The following RHEX variants were observed in gnomAD, a reference collection of about 807,000 sequenced individuals.
RHEX encodes the protein regulator of hemoglobinization and erythroid cell expansion protein.
A neutral mutation model predicts 20.1 loss-of-function variants in RHEX; 18 were observed. That is an observed-to-expected ratio of 0.90 (90% confidence interval 0.62 to 1.33). The LOEUF (loss-of-function observed/expected upper bound fraction) is 1.33. Ranked by LOEUF, RHEX falls within the 40% of genes most tolerant of loss-of-function variation. The pLI is 0.00. For synonymous variants in RHEX, 87 were observed against 77.1 expected, an observed-to-expected ratio of 1.13 and a Z score of -0.67; for missense variants, 192 against 214.3, an observed-to-expected ratio of 0.90 and a Z score of 0.65.
chr1:206,069,724 C>G (rs954389139), intron 1 of RHEX, among the ~76,000 whole-genome samples: 1 of 151,256 alleles, frequency 6.6e-6, no homozygotes, highest in Non-Finnish European at 1.5e-5. Flanking sequence ...TCTACTGAAG[C>G]CTGTTCTGTC....
intron 1 of RHEX, among the ~76,000 whole-genome samples, chr1:206,063,586 G>C (rs919452501): frequency 3.9e-5 from 6 of 152,212 alleles, no homozygotes; most frequent in African/African-American, 1.4e-4. Flanking sequence ...TGGAGACGGG[G>C]TTTCGCTGTG....
At chr1:206,072,003 A>G (rs1422693511) in intron 1 of RHEX, among the ~76,000 whole-genome samples, 1 of 152,246 alleles carries the variant, frequency 6.6e-6, no homozygotes, top group Non-Finnish European at 1.5e-5. Context: ...GGAAGAAGCC[A>G]TATGAGTTAA....
intron 1 of RHEX, among the ~76,000 whole-genome samples, chr1:206,079,804 C>T (rs28449542): frequency 0.13 from 20,540 of 152,170 alleles, 1,711 homozygotes; most frequent in African/African-American, 0.24. Flanking sequence ...TCTGCCTCTT[C>T]GGCCTCCCAA....
intron 1 of RHEX, among the ~76,000 whole-genome samples, chr1:206,081,368 A>C (rs1662732226): frequency 6.6e-6 from 1 of 152,234 alleles, no homozygotes; most frequent in African/African-American, 2.4e-5. Flanking sequence ...GTTGTGGATG[A>C]CATGTAATAC....
chr1:206,079,417 A>C (rs1324837109), intron 1 of RHEX, among the ~76,000 whole-genome samples: 1 of 152,220 alleles, frequency 6.6e-6, no homozygotes, highest in Non-Finnish European at 1.5e-5. Context: ...AAATTAAGGA[A>C]ATAATCTAAA....
chr1:206,090,142 A>G lies in RHEX; in HGVS notation c.-96-7591A>G, dbSNP rs538020988. The stretch of plus-strand genomic sequence containing the variant: ...CACAGGCATATTTTTTCAAGTCTAC[A>G]CTTCTCTTAAAAAGTGGTAGTCAGA... On this transcript the variant is annotated intron_variant, in intron 1 of 5. Coordinates refer to ENST00000331555, the MANE Select transcript of RHEX (RefSeq NM_001007544.4). Among the ~76,000 whole-genome samples the G allele has an allele frequency of 3.4e-4, 51 of 150,530 alleles. No individual in the cohort carries two copies. In the Middle Eastern group the frequency reaches 0.01, roughly 31 times the overall value.
chr1:206,056,440 C>T (rs1553282631), intron 1 of RHEX: 1 of 152,284 alleles, frequency 6.6e-6, no homozygotes, highest in East Asian at 1.9e-4. Context: ...GAACTGTTTC[C>T]AGTATATACA....
At chr1:206,087,493 C>T (rs1662863065) in intron 1 of RHEX, among the ~76,000 whole-genome samples, 1 of 152,216 alleles carries the variant, frequency 6.6e-6, no homozygotes. Flanking sequence ...GGCATCTCTT[C>T]TGCTTTTTGA....
chr1:206,063,359 G>T (rs1553283619), intron 1 of RHEX, among the ~76,000 whole-genome samples: 6 of 148,380 alleles, frequency 4.0e-5, no homozygotes, highest in Non-Finnish European at 8.9e-5. Flanking sequence ...GTTTTAAAAA[G>T]ATTTTTCTGC....
At chr1:206,061,124 A>G (rs1370700993) in intron 1 of RHEX, 1 of 152,212 alleles carries the variant, frequency 6.6e-6, no homozygotes, top group Non-Finnish European at 1.5e-5. Context: ...AGAAATACTG[A>G]TGCCAAATAA....
intron 1 of RHEX, among the ~76,000 whole-genome samples, chr1:206,071,184 G>T (rs1662522015): frequency 6.6e-6 from 1 of 152,204 alleles, no homozygotes; most frequent in East Asian, 1.9e-4. Context: ...ACTGGTATAA[G>T]TCCAAGAGTC....
chr1:206,063,470 TC>T (rs1265639939), intron 1 of RHEX, among the ~76,000 whole-genome samples: 3 of 152,314 alleles, frequency 2.0e-5, no homozygotes, highest in African/African-American at 7.2e-5. Context: ...TGCTGCCATC[TC>T]GGCTCACTGC....
At chr1:206,092,460 G>T (rs533488933) in intron 1 of RHEX, among the ~76,000 whole-genome samples, 2 of 152,250 alleles carry the variant, frequency 1.3e-5, no homozygotes, top group African/African-American at 4.8e-5. Context: ...GAATGAGCTG[G>T]GATTTGAACC....
At chr1:206,054,615 G>C (rs958900704) in intron 1 of RHEX, among the ~76,000 whole-genome samples, 6 of 152,194 alleles carry the variant, frequency 3.9e-5, no homozygotes, top group African/African-American at 7.2e-5. Flanking sequence ...AAATGCCACA[G>C]GTTTTTCTTA....
chr1:206,094,169 G>GGTGTGTGT (rs66885504), intron 1 of RHEX, among the ~76,000 whole-genome samples: 2,146 of 148,650 alleles, frequency 0.014, 58 homozygotes, highest in African/African-American at 0.047. Flanking sequence ...CTGGTTATTT[G>GGTGTGTGT]GTGTGTGTGT....
chr1:206,063,370 C>T (rs1249798243), intron 1 of RHEX, among the ~76,000 whole-genome samples: 1 of 148,702 alleles, frequency 6.7e-6, no homozygotes, highest in Non-Finnish European at 1.5e-5. Flanking sequence ...ATTTTTCTGC[C>T]TCTCCCTCTC....
chr1:206,064,147 T>C (rs1178632727), intron 1 of RHEX, among the ~76,000 whole-genome samples: 2 of 138,000 alleles, frequency 1.4e-5, no homozygotes, highest in Admixed American at 1.4e-4. Flanking sequence ...GAGGAGACCC[T>C]CCGCCCGGCA....
Position 206,099,651 on chromosome 1 carries a change from C to T in RHEX, c.113-4C>T, listed in dbSNP as rs782414027. On this transcript the variant is annotated splice_polypyrimidine_tract_variant and splice_region_variant and intron_variant, in intron 3 of 5. Transcript: ENST00000331555. ...ACTTTTGATCCCTGCCCTCTCCCTTCCAGCCCACAAGAGTGAACAGATACT... is the reference window on the plus strand; with the variant it reads ...ACTTTTGATCCCTGCCCTCTCCCTTTCAGCCCACAAGAGTGAACAGATACT... 1.4e-5 allele frequency: 22 copies of T among 1,613,690 alleles called. No homozygotes were observed. The South Asian group carries it at 2.4e-4, about 18-fold the overall frequency.
chr1:206,094,280 C>T (rs1663020969), intron 1 of RHEX, among the ~76,000 whole-genome samples: 1 of 152,072 alleles, frequency 6.6e-6, no homozygotes, highest in South Asian at 2.1e-4. Context: ...GAACAACCTG[C>T]TCATTGTGGT....
Sources: allele counts gnomAD v4.1 joint callset (sites outside exome capture counted in the v4.1 genomes callset), GRCh38; gene constraint gnomAD v4.1.1; transcripts MANE v1.5; gene names NCBI Gene and HGNC (gene_info 2026-07-23, HGNC 2026-07-21).